The following ADAMTS12 variants were observed in gnomAD, a reference collection of about 807,000 sequenced individuals.
ADAMTS12 encodes A disintegrin and metalloproteinase with thrombospondin motifs 12.
ADAMTS12 carries 118 observed loss-of-function variants against 167.8 expected under a neutral mutation model. The ratio of observed to expected loss-of-function variants is 0.70; its 90% CI spans 0.61 to 0.82. The LOEUF (loss-of-function observed/expected upper bound fraction) is 0.82. ADAMTS12 is among the 40% of genes least tolerant of loss of function. ADAMTS12 has a pLI of 0.00. For missense variants in ADAMTS12, 1,916 were observed against 1,998.8 expected (o/e 0.96, Z 0.79); for synonymous variants, 704 against 716.9 (o/e 0.98, Z 0.29).
At chr5:33,862,352 T>C (rs1404800001) in intron 2 of ADAMTS12, among the ~76,000 whole-genome samples, 2 of 151,902 alleles carry the variant, frequency 1.3e-5, no homozygotes, top group Non-Finnish European at 2.9e-5. Flanking sequence ...TAAAAAATGA[T>C]AAAAGGGATA....
intron 5 of ADAMTS12, among the ~76,000 whole-genome samples, chr5:33,674,176 G>A (rs1369599000): frequency 6.6e-6 from 1 of 152,182 alleles, no homozygotes; most frequent in East Asian, 1.9e-4. Context: ...AGAAAAGGGA[G>A]AGAATATATC....
chr5:33,696,382 C>G, intron 3 of ADAMTS12, among the ~76,000 whole-genome samples: 1 of 146,972 alleles, frequency 6.8e-6, no homozygotes, highest in South Asian at 2.2e-4. Flanking sequence ...GATCGCGCCA[C>G]TGCACTCCAG....
chr5:33,624,812 T>A (rs902264944), intron 13 of ADAMTS12, among the ~76,000 whole-genome samples: 1 of 152,164 alleles, frequency 6.6e-6, no homozygotes, highest in African/African-American at 2.4e-5. Context: ...TCACCTGGAC[T>A]TTTCTGTGGC....
intron 2 of ADAMTS12, among the ~76,000 whole-genome samples, chr5:33,817,143 A>C (rs1747690896): frequency 6.6e-6 from 1 of 152,232 alleles, no homozygotes; most frequent in Non-Finnish European, 1.5e-5. Flanking sequence ...TTGGAAAGAT[A>C]AGTCACACAG....
At chr5:33,590,533 T>C (rs1688188489) in intron 17 of ADAMTS12, among the ~76,000 whole-genome samples, 1 of 152,202 alleles carries the variant, frequency 6.6e-6, no homozygotes, top group Non-Finnish European at 1.5e-5. Context: ...TTGCCCTTCC[T>C]CCTTCAGCCT....
At chr5:33,540,726 T>C (rs256648) in intron 22 of ADAMTS12, among the ~76,000 whole-genome samples, 74,985 of 152,086 alleles carry the variant, frequency 0.49, 21,700 homozygotes, top group African/African-American at 0.78. Context: ...CTCCAACAGC[T>C]CTGCAGCTGA....
intron 2 of ADAMTS12, among the ~76,000 whole-genome samples, chr5:33,759,700 TCCTCA>T (rs1454247124): frequency 2.0e-5 from 3 of 152,238 alleles, no homozygotes; most frequent in African/African-American, 7.2e-5. Flanking sequence ...GAAAACCCTC[TCCTCA>T]CATAAGACTA....
intron 2 of ADAMTS12, among the ~76,000 whole-genome samples, chr5:33,824,338 C>T (rs1466471671): frequency 6.6e-6 from 1 of 152,140 alleles, no homozygotes; most frequent in Non-Finnish European, 1.5e-5. Flanking sequence ...TTTGCAGCAG[C>T]CCCAGTGAAG....
rs571832273 is a variant in ADAMTS12, at chr5:33,750,558, T to A, written c.634+846A>T. 4.5e-4 allele frequency among the ~76,000 whole-genome samples: 69 copies of A among 152,194 alleles called. 1 individual carries two copies. The highest frequency in any genetic ancestry group is 9.3e-4 in the Non-Finnish European group (63 of 68,024). ...ATTGTTTCCAAATCCTCAAGACTCA[T>A]AAATAATGTTAGGGATTCCTTTTGT... On this transcript the variant is annotated intron_variant, in intron 3 of 23. Coordinates refer to ENST00000504830, the MANE Select transcript of ADAMTS12 (RefSeq NM_030955.4).
intron 3 of ADAMTS12, among the ~76,000 whole-genome samples, chr5:33,737,339 G>A (rs190720426): frequency 2.0e-5 from 3 of 152,242 alleles, no homozygotes; most frequent in African/African-American, 7.2e-5. Context: ...ATGCTTGTGA[G>A]GCCAGATGTG....
chr5:33,607,101 A>AT (rs976967600), intron 16 of ADAMTS12, among the ~76,000 whole-genome samples: 2 of 151,900 alleles, frequency 1.3e-5, no homozygotes, highest in East Asian at 1.9e-4. Flanking sequence ...AATAGAAGAA[A>AT]TTTTTTTTTC....
intron 18 of ADAMTS12, 88 bp from the exon 19 acceptor site, chr5:33,577,248 T>C (rs530992437): frequency 5.7e-6 from 9 of 1,573,148 alleles, no homozygotes; most frequent in South Asian, 5.6e-5. Context: ...ACAGGCCTGA[T>C]GGAAACTAAA....
At chr5:33,838,686 G>A (rs751131764) in intron 2 of ADAMTS12, among the ~76,000 whole-genome samples, 12 of 151,740 alleles carry the variant, frequency 7.9e-5, no homozygotes, top group African/African-American at 1.5e-4. Flanking sequence ...TGTCACAGAC[G>A]AAAAAAAGAA....
At chr5:33,529,045 C>CA (rs1265490758) in intron 23 of ADAMTS12, among the ~76,000 whole-genome samples, 10 of 151,540 alleles carry the variant, frequency 6.6e-5, no homozygotes, top group Non-Finnish European at 1.5e-4. Context: ...AACTTCATCT[C>CA]AAAAAAAGAA....
rs188306146 is a variant in ADAMTS12 at position 33,861,647 on chromosome 5, G to C, written c.489+19472C>G. Among the ~76,000 whole-genome samples the C allele has an allele frequency of 5.0e-3, 754 of 152,256 alleles. 7 individuals are homozygous for C. Among genetic ancestry groups the C allele is most frequent in the African/African-American group, 0.018 (733 of 41,548 alleles). ...GACAGAAAATTAACAAGGATATTCA[G>C]GACTTGAACTCAGCTCTGGACCAAG... On this transcript the variant is annotated intron_variant, in intron 2 of 23. Transcript: ENST00000504830.
intron 2 of ADAMTS12, among the ~76,000 whole-genome samples, chr5:33,836,014 C>G (rs1229957554): frequency 6.7e-6 from 1 of 149,816 alleles, no homozygotes; most frequent in African/African-American, 2.5e-5. Flanking sequence ...GGGAAATAGG[C>G]AACATATGCT....
chr5:33,839,191 C>G (rs1327038225), intron 2 of ADAMTS12, among the ~76,000 whole-genome samples: 1 of 152,162 alleles, frequency 6.6e-6, no homozygotes, highest in Non-Finnish European at 1.5e-5. Flanking sequence ...TAGAAAGGCA[C>G]TTAACATGTT....
chr5:33,744,147 C>G (rs1056653181), intron 3 of ADAMTS12, among the ~76,000 whole-genome samples: 1 of 152,220 alleles, frequency 6.6e-6, no homozygotes, highest in South Asian at 2.1e-4. Flanking sequence ...GACATGATTC[C>G]TGTCCCAACT....
chr5:33,882,379 A>G (rs1217305899), intron 1 of ADAMTS12, among the ~76,000 whole-genome samples: 1 of 152,216 alleles, frequency 6.6e-6, no homozygotes. Flanking sequence ...GCATTGGCTC[A>G]AAACATAAAA....
Sources: allele counts gnomAD v4.1 joint callset (sites outside exome capture counted in the v4.1 genomes callset), GRCh38; gene constraint gnomAD v4.1.1; transcripts MANE v1.5; gene names NCBI Gene and HGNC (gene_info 2026-07-23, HGNC 2026-07-21).